Variants in DAB1 observed in about 807,000 individuals in gnomAD.
The protein encoded by DAB1 is DAB adaptor protein 1.
Under a neutral mutation model 64.6 loss-of-function variants are expected in DAB1, and 15 were observed. That is an observed-to-expected ratio of 0.23 (90% confidence interval 0.16 to 0.36). The LOEUF (loss-of-function observed/expected upper bound fraction) is 0.36, where lower values mean the gene tolerates loss of function less well. Ranked by LOEUF, DAB1 falls within the 10% of genes least tolerant of loss-of-function variation. The pLI is 1.00. For synonymous variants in DAB1, 235 were observed against 251.9 expected (o/e 0.93, Z 0.64); for missense variants, 596 against 706.7 (o/e 0.84, Z 1.78).
chr1:57,557,668 C>T (rs556231710), intron 7 of DAB1, among the ~76,000 whole-genome samples: 6 of 152,068 alleles, frequency 3.9e-5, no homozygotes, highest in Admixed American at 2.6e-4. Flanking sequence ...TGGAGAACAC[C>T]GACAGTCCTT....
intron 1 of DAB1, among the ~76,000 whole-genome samples, chr1:57,348,505 T>G (rs1475056112): frequency 1.3e-5 from 2 of 152,280 alleles, no homozygotes; most frequent in African/African-American, 4.8e-5. Flanking sequence ...TGTGTTTAAT[T>G]TAATCTCTAA....
At chr1:58,196,579 G>C (rs564704475) in intron 4 of DAB1, among the ~76,000 whole-genome samples, 29 of 152,250 alleles carry the variant, frequency 1.9e-4, no homozygotes, top group African/African-American at 7.0e-4. Flanking sequence ...AAAGGAAAGA[G>C]ACTTAATCGA....
At chr1:57,813,632 T>C (rs1479843162) in intron 6 of DAB1, among the ~76,000 whole-genome samples, 1 of 152,146 alleles carries the variant, frequency 6.6e-6, no homozygotes, top group Non-Finnish European at 1.5e-5. Flanking sequence ...GAGTTGACGT[T>C]GAAGTGAATA....
intron 4 of DAB1, among the ~76,000 whole-genome samples, chr1:58,313,168 A>G (rs1662469546): frequency 6.6e-6 from 1 of 152,172 alleles, no homozygotes; most frequent in Admixed American, 6.6e-5. Flanking sequence ...AGAACCCAGT[A>G]AGACAGAGCT....
chr1:58,019,775 G>C (rs11207154), intron 5 of DAB1, among the ~76,000 whole-genome samples: 13,529 of 152,176 alleles, frequency 0.089, 726 homozygotes, highest in East Asian at 0.2. Context: ...GACTAAGCAA[G>C]TAGTAATTAG....
intron 4 of DAB1, among the ~76,000 whole-genome samples, chr1:58,327,786 C>T (rs533491229): frequency 6.6e-6 from 1 of 152,272 alleles, no homozygotes; most frequent in South Asian, 2.1e-4. Context: ...TAGTGAAACC[C>T]TGTCTCTACT....
At chr1:58,048,224 T>A in intron 5 of DAB1, 1 of 1,260,790 alleles carries the variant, frequency 7.9e-7, no homozygotes, top group Non-Finnish European at 1.1e-6. Context: ...GGAACCGCCA[T>A]AGCCACCTTG....
At chr1:58,208,156 G>A (rs1044526839) in intron 4 of DAB1, among the ~76,000 whole-genome samples, 2 of 152,150 alleles carry the variant, frequency 1.3e-5, no homozygotes, top group Non-Finnish European at 2.9e-5. Flanking sequence ...TCCCTCTCAT[G>A]ACACATGGGG....
At chr1:57,910,296 T>G (rs1644622282) in intron 5 of DAB1, among the ~76,000 whole-genome samples, 1 of 152,240 alleles carries the variant, frequency 6.6e-6, no homozygotes, top group Non-Finnish European at 1.5e-5. Flanking sequence ...TTTGAACATC[T>G]TTACTGCTGA....
intron 7 of DAB1, among the ~76,000 whole-genome samples, chr1:57,507,249 A>G (rs958882813): frequency 6.6e-6 from 1 of 152,032 alleles, no homozygotes; most frequent in East Asian, 1.9e-4. Flanking sequence ...TCCACTCATT[A>G]CTGCATGCAT....
intron 4 of DAB1, among the ~76,000 whole-genome samples, chr1:58,167,468 A>T (rs2100759951): frequency 6.6e-6 from 1 of 152,350 alleles, no homozygotes. Context: ...TAGCTAAAGG[A>T]TTGTAAATGC....
intron 7 of DAB1, among the ~76,000 whole-genome samples, chr1:57,508,891 A>G (rs1263133730): frequency 6.6e-6 from 1 of 151,966 alleles, no homozygotes; most frequent in Non-Finnish European, 1.5e-5. Flanking sequence ...AAACACATTT[A>G]TATATACTTA....
At chr1:57,160,952 G>A (rs1463678041) in intron 2 of DAB1, among the ~76,000 whole-genome samples, 1 of 152,086 alleles carries the variant, frequency 6.6e-6, no homozygotes, top group African/African-American at 2.4e-5. Flanking sequence ...ACGGGATAGT[G>A]GGAGCAGGTG....
intron 4 of DAB1, among the ~76,000 whole-genome samples, chr1:58,190,523 T>C (rs758097854): frequency 2.6e-5 from 4 of 152,230 alleles, no homozygotes; most frequent in Non-Finnish European, 1.5e-5. Context: ...CTGTCTCCTT[T>C]CCTGAATTCT....
chr1:58,228,725 G>C, intron 4 of DAB1: 2 of 1,120,596 alleles, frequency 1.8e-6, no homozygotes, highest in Non-Finnish European at 2.6e-6. Flanking sequence ...GGACCTTCTG[G>C]AAACTGAGCC....
intron 3 of DAB1, among the ~76,000 whole-genome samples, chr1:58,474,224 C>T (rs1557431770): frequency 6.6e-6 from 1 of 152,134 alleles, no homozygotes; most frequent in Non-Finnish European, 1.5e-5. Context: ...ATGGCCACAA[C>T]ATACAGGTGA....
At chr1:58,282,609 A>AAAT (rs1178841919) in intron 4 of DAB1, among the ~76,000 whole-genome samples, 2 of 151,712 alleles carry the variant, frequency 1.3e-5, no homozygotes, top group African/African-American at 2.4e-5. Flanking sequence ...TTGTTCTAAA[A>AAAT]AAAAAAAGGA....
chr1:57,115,010 G>C (rs897292628), intron 4 of DAB1, among the ~76,000 whole-genome samples: 2 of 152,100 alleles, frequency 1.3e-5, no homozygotes, highest in Non-Finnish European at 2.9e-5. Context: ...TGCATGTAAA[G>C]TGTGCAGTGC....
rs552645230 is a variant in DAB1, at chr1:57,162,727, T to G, written c.68-17298A>C. Among the ~76,000 whole-genome samples, 176 of 152,342 alleles carry G rather than the reference T, an allele frequency of 1.2e-3. 2 individuals are homozygous for G. The highest frequency in any genetic ancestry group is 2.7e-3 in the South Asian group (13 of 4,826). On this transcript the variant is annotated intron_variant, in intron 2 of 14. Transcript: ENST00000371236. The stretch of plus-strand genomic sequence containing the variant: ...TGGTATATTCTGGTGTGAACAACTC[T>G]TATGTTTTATCTTCCATCTGCCTTC...
Sources: allele counts gnomAD v4.1 joint callset (sites outside exome capture counted in the v4.1 genomes callset), GRCh38; gene constraint gnomAD v4.1.1; transcripts MANE v1.5; gene names NCBI Gene and HGNC (gene_info 2026-07-23, HGNC 2026-07-21).